GRAMD2B: variants seen among roughly 807,000 people sequenced by gnomAD.
GRAMD2B encodes the protein GRAM domain-containing protein 2B.
GRAMD2B carries 41 observed loss-of-function variants against 59.2 expected under a neutral mutation model. The ratio of observed to expected loss-of-function variants is 0.69; its 90% confidence interval spans 0.54 to 0.90. The LOEUF (loss-of-function observed/expected upper bound fraction) is 0.90. GRAMD2B is among the 40% of genes least tolerant of loss of function. The pLI, the probability that GRAMD2B is intolerant of heterozygous loss-of-function variation, is 0.00. For missense variants in GRAMD2B, 424 were observed against 500.5 expected, an observed-to-expected ratio of 0.85 and a Z score of 1.46; for synonymous variants, 161 against 182.7, an observed-to-expected ratio of 0.88 and a Z score of 0.96.
intron 1 of GRAMD2B, among the ~76,000 whole-genome samples, chr5:126,386,978 T>A (rs1756202450): frequency 6.6e-6 from 1 of 152,228 alleles, no homozygotes; most frequent in South Asian, 2.1e-4. Context: ...CACCATATAT[T>A]CTTTTATAAC....
chr5:126,406,826 A>AAAGC (rs1182852164), intron 1 of GRAMD2B, among the ~76,000 whole-genome samples: 1 of 152,022 alleles, frequency 6.6e-6, no homozygotes, highest in Non-Finnish European at 1.5e-5. Flanking sequence ...ATAGGTAAAG[A>AAAGC]AAGCATCTGG....
intron 13 of GRAMD2B, among the ~76,000 whole-genome samples, chr5:126,492,542 GA>G (rs1165722941): frequency 1.3e-5 from 2 of 151,720 alleles, no homozygotes; most frequent in Non-Finnish European, 2.9e-5. Context: ...GAAACATGAT[GA>G]AACTCCATGT....
chr5:126,436,802 G>C (rs756953253), intron 1 of GRAMD2B, among the ~76,000 whole-genome samples: 3 of 152,320 alleles, frequency 2.0e-5, no homozygotes, highest in South Asian at 2.1e-4. Context: ...TTGAATGAAG[G>C]CCTCTTGGAA....
At chr5:126,450,327 A>G (rs1045580775) in intron 1 of GRAMD2B, among the ~76,000 whole-genome samples, 4 of 152,150 alleles carry the variant, frequency 2.6e-5, no homozygotes, top group Non-Finnish European at 5.9e-5. Context: ...TTATTGCACT[A>G]TTAACAGGTA....
At chr5:126,360,700 T>C (rs1347728678) in intron 1 of GRAMD2B, among the ~76,000 whole-genome samples, 2 of 152,124 alleles carry the variant, frequency 1.3e-5, no homozygotes, top group Non-Finnish European at 2.9e-5. Flanking sequence ...TATAGGTGTA[T>C]TGCACAAAAC....
upstream of GRAMD2B, among the ~76,000 whole-genome samples, chr5:126,420,424 T>C (rs2149773787): frequency 6.6e-6 from 1 of 152,324 alleles, no homozygotes; most frequent in Middle Eastern, 3.4e-3. Flanking sequence ...TAAAATATTG[T>C]AGCTTACTTG....
At chr5:126,378,272 TTA>T (rs1347240218) in intron 1 of GRAMD2B, among the ~76,000 whole-genome samples, 1 of 152,174 alleles carries the variant, frequency 6.6e-6, no homozygotes, top group East Asian at 1.9e-4. Flanking sequence ...ACTGAAAATA[TTA>T]TGAGGTTGTT....
At chr5:126,402,920 C>T (rs1757961593) in intron 1 of GRAMD2B, among the ~76,000 whole-genome samples, 1 of 151,966 alleles carries the variant, frequency 6.6e-6, no homozygotes, top group Non-Finnish European at 1.5e-5. Flanking sequence ...TATTCCTTCT[C>T]TTTTCCATAG....
intron 1 of GRAMD2B, among the ~76,000 whole-genome samples, chr5:126,427,014 TTTATGTTCCCAG>T (rs1195150116): frequency 1.3e-5 from 2 of 152,246 alleles, no homozygotes; most frequent in Non-Finnish European, 2.9e-5. Context: ...CATTCTGAAT[TTTATGTTCCCAG>T]TACTTTAATA....
intron 1 of GRAMD2B, among the ~76,000 whole-genome samples, chr5:126,387,102 G>C (rs555556422): frequency 6.6e-6 from 1 of 152,078 alleles, no homozygotes; most frequent in South Asian, 2.1e-4. Flanking sequence ...GGCCAAACTT[G>C]AAGAGTCAAA....
upstream of GRAMD2B, among the ~76,000 whole-genome samples, chr5:126,419,998 T>A (rs191826215): frequency 9.1e-3 from 1,227 of 134,872 alleles, 20 homozygotes; most frequent in African/African-American, 0.033. Context: ...GAGGTTGCAG[T>A]GAGCTGAGAT....
In GRAMD2B at chr5:126,361,449, G is replaced by A. The variant is rs186013081; in HGVS notation, c.128+990G>A. 1.9e-3 allele frequency among the ~76,000 whole-genome samples: 274 copies of A among 142,004 alleles called. 2 individuals carry two copies. The highest frequency in any genetic ancestry group is 6.7e-3 in the Admixed American group (94 of 13,948). 93.2% of individuals were successfully genotyped at this position (142,004 alleles called of 152,430 possible). ...ACTGAATGTGTTGACTAGGAAAAGA[G>A]ACAGTTTCTCAAGTTTCAGTTTTCT... On this transcript the variant is annotated intron_variant, in intron 1 of 13. Transcript: ENST00000513040.
chr5:126,454,305 G>A (rs959800900), intron 1 of GRAMD2B, among the ~76,000 whole-genome samples: 15 of 152,102 alleles, frequency 9.9e-5, no homozygotes, highest in Middle Eastern at 3.2e-3. Flanking sequence ...AGGATGAATC[G>A]CACATTGATG....
rs771106724 is a variant in GRAMD2B at position 126,465,512 on chromosome 5, A to C, written c.170A>C (p.Asp57Ala). 1 of 1,613,532 alleles carries C rather than the reference A, an allele frequency of 6.2e-7. No homozygotes were observed. Among genetic ancestry groups the C allele is most frequent in the Non-Finnish European group, 8.5e-7 (1 of 1,179,918 alleles). Residue 57 changes from aspartate to alanine, a missense_variant, in exon 2 of 14, where the codon GAC (aspartate) becomes GCC (alanine). Coordinates refer to ENST00000285689, the MANE Select transcript of GRAMD2B (RefSeq NM_023927.4). ...TCCCCTACCCCATCTGTGGAGGCGG[A>C]CTCCCCAGACCAGAAGAAAATCATT... ...AQSPTPSVEA[D>A]SPDQKKIISL...
In GRAMD2B at chr5:126,394,132, G is replaced by A. The variant is rs536046762; in HGVS notation, c.125+22565G>A. Among the ~76,000 whole-genome samples, 91 of 152,014 alleles carry A rather than the reference G, an allele frequency of 6.0e-4. No homozygotes were observed. In the South Asian group the frequency reaches 0.01, roughly 17 times the overall value. On this transcript the variant is annotated intron_variant, in intron 1 of 8. Coordinates refer to the GRAMD2B transcript ENST00000506445. Reference sequence around the variant, plus strand: ...TACTAAAAATACAAAAAAATTAGCCGGGAGTGGTGGCGGGTGCCTGTAGTC... The same window carrying A: ...TACTAAAAATACAAAAAAATTAGCCAGGAGTGGTGGCGGGTGCCTGTAGTC...
chr5:126,406,599 G>T (rs892134578), intron 1 of GRAMD2B, among the ~76,000 whole-genome samples: 19 of 151,838 alleles, frequency 1.3e-4, no homozygotes, highest in African/African-American at 4.6e-4. Flanking sequence ...AAATGAAAAA[G>T]AAATCCTAAA....
chr5:126,469,795 T>G lies in GRAMD2B; in HGVS notation c.315+7T>G. 2 of 1,596,098 alleles carry G rather than the reference T, an allele frequency of 1.3e-6. 1 individual carries two copies. The highest frequency in any genetic ancestry group is 2.2e-5 in the South Asian group (2 of 90,362). ...GTCTTCATCTTCCAGCCAGGTAATT[T>G]GAGAATGGAATTTGTATTGTCTTAG... On this transcript the variant is annotated splice_region_variant and intron_variant, in intron 3 of 13. Coordinates refer to ENST00000285689, the MANE Select transcript of GRAMD2B (RefSeq NM_023927.4).
At chr5:126,447,873 TTTAA>T (rs199675138) in intron 1 of GRAMD2B, among the ~76,000 whole-genome samples, 4,313 of 138,042 alleles carry the variant, frequency 0.031, 84 homozygotes, top group Admixed American at 0.068. Context: ...TTTTTTTTTT[TTTAA>T]AAAATAGTCT....
Position 126,423,426 on chromosome 5 carries a change from C to A in GRAMD2B, c.-181C>A. ...GTCGGACCAATCGCGCCCGCTCCGA[C>A]GTGTCCAGGTCCGCGGCCCCGGGAG... On this transcript the variant is annotated 5_prime_UTR_variant, in exon 1 of 14. Transcript: ENST00000285689. The A allele has an allele frequency of 5.0e-6, 7 of 1,388,518 alleles. No homozygotes were observed. The highest frequency in any genetic ancestry group is 6.5e-6 in the Non-Finnish European group (7 of 1,076,174). 86.0% of individuals were successfully genotyped at this position (1,388,518 alleles called of 1,614,324 possible). A position where few individuals can be genotyped will look rare whatever the true frequency, so the allele number is the denominator to read the frequency against.
Sources: allele counts gnomAD v4.1 joint callset (sites outside exome capture counted in the v4.1 genomes callset), GRCh38; gene constraint gnomAD v4.1.1; transcripts MANE v1.5; gene names NCBI Gene and HGNC (gene_info 2026-07-23, HGNC 2026-07-21).